SLC39A10: variants seen among roughly 807,000 people sequenced by gnomAD.
SLC39A10 encodes the protein solute carrier family 39 member 10.
In SLC39A10, 13 loss-of-function variants were observed where a neutral mutation model predicts 65.1. The observed-to-expected ratio is 0.20, with a 90% CI of 0.13 to 0.32. The LOEUF (loss-of-function observed/expected upper bound fraction) is 0.32. SLC39A10 is among the 10% of genes least tolerant of loss of function. The probability of loss-of-function intolerance (pLI) is 1.00; values close to 1 mark genes in which losing one functional copy is unlikely to be tolerated. For missense variants in SLC39A10, 831 were observed against 1,018.4 expected, an observed-to-expected ratio of 0.82 and a Z score of 2.50; for synonymous variants, 321 against 342.2, an observed-to-expected ratio of 0.94 and a Z score of 0.68.
chr2:195,727,643 G>A (rs1444897046), intron 8 of SLC39A10, among the ~76,000 whole-genome samples: 1 of 152,110 alleles, frequency 6.6e-6, no homozygotes, highest in Non-Finnish European at 1.5e-5. Context: ...CGAGCAGGGA[G>A]GTCTTGATTG....
intron 3 of SLC39A10, among the ~76,000 whole-genome samples, chr2:195,703,715 A>C (rs914984641): frequency 6.6e-6 from 1 of 152,144 alleles, no homozygotes; most frequent in African/African-American, 2.4e-5. Context: ...GTGCAGTGGC[A>C]TGATCTTGGC....
intron 2 of SLC39A10, among the ~76,000 whole-genome samples, chr2:195,682,938 A>G (rs1465409920): frequency 4.0e-5 from 6 of 151,876 alleles, no homozygotes; most frequent in Non-Finnish European, 8.8e-5. Context: ...TTTTGGTGCC[A>G]TAGATAAAGC....
At chr2:195,615,577 T>C (rs1688188668) in intron 2 of SLC39A10, among the ~76,000 whole-genome samples, 1 of 152,220 alleles carries the variant, frequency 6.6e-6, no homozygotes, top group South Asian at 2.1e-4. Context: ...GGGGACTTTT[T>C]AAATTTCGCA....
intron 2 of SLC39A10, among the ~76,000 whole-genome samples, chr2:195,640,476 A>C (rs987111476): frequency 1.3e-5 from 2 of 152,072 alleles, no homozygotes; most frequent in Non-Finnish European, 2.9e-5. Flanking sequence ...TTATGGCTTT[A>C]ATATTTGGCA....
At position 195,718,302 on chromosome 2, in the gene SLC39A10, G is replaced by A. The variant is rs1691895037; in HGVS notation, c.2116G>A (p.Val706Ile). Residue 706 changes from valine (V) to isoleucine (I), a missense_variant, in exon 8 of 10, where the codon GTC becomes ATC. Val to Ile is a conservative substitution (Grantham distance 29, BLOSUM62 3). This residue lies in a region of SLC39A10 where 120 missense variants were observed against 203.9 expected (regional missense o/e 0.59). Transcript: ENST00000359634. ...LTGGISTSIA[V>I]FCHELPHELG... ...AGGAGGAATCAGTACTTCTATAGCC[G>A]TCTTCTGTCATGAACTGCCACATGA... 6.2e-7 allele frequency: 1 copy of A among 1,607,144 alleles called. No homozygotes were observed. Among genetic ancestry groups the A allele is most frequent in the Non-Finnish European group, 8.5e-7 (1 of 1,175,148 alleles).
intron 8 of SLC39A10, among the ~76,000 whole-genome samples, chr2:195,727,414 T>A (rs1692281919): frequency 6.6e-6 from 1 of 152,164 alleles, no homozygotes; most frequent in Non-Finnish European, 1.5e-5. Flanking sequence ...GTCGATGCTC[T>A]TCGGAGCCTC....
intron 6 of SLC39A10, among the ~76,000 whole-genome samples, chr2:195,714,365 A>C (rs1342700858): frequency 6.6e-6 from 1 of 152,220 alleles, no homozygotes; most frequent in African/African-American, 2.4e-5. Context: ...AGCATTTCTC[A>C]TGGGAATAAT....
intron 8 of SLC39A10, among the ~76,000 whole-genome samples, chr2:195,721,013 C>G (rs1018920488): frequency 6.6e-6 from 1 of 152,186 alleles, no homozygotes; most frequent in East Asian, 1.9e-4. Context: ...TTGATCACGG[C>G]TTAGTGCAGC....
At chr2:195,622,490 C>T (rs1688369990) in intron 2 of SLC39A10, among the ~76,000 whole-genome samples, 1 of 152,200 alleles carries the variant, frequency 6.6e-6, no homozygotes. Context: ...AGTAGGCCTT[C>T]TGAAGTGAAT....
intron 2 of SLC39A10, among the ~76,000 whole-genome samples, chr2:195,618,309 C>T (rs1303214237): frequency 1.3e-5 from 2 of 148,500 alleles, no homozygotes; most frequent in Non-Finnish European, 2.9e-5. Context: ...TGAGATCGTG[C>T]CATTGCACTT....
At chr2:195,643,723 C>T (rs539128701) in intron 2 of SLC39A10, among the ~76,000 whole-genome samples, 1 of 152,342 alleles carries the variant, frequency 6.6e-6, no homozygotes, top group East Asian at 1.9e-4. Flanking sequence ...CTGTCCTCTA[C>T]TGCCCAATAA....
At chr2:195,681,500 G>C (rs1690321932) in intron 2 of SLC39A10, among the ~76,000 whole-genome samples, 1 of 152,068 alleles carries the variant, frequency 6.6e-6, no homozygotes, top group Non-Finnish European at 1.5e-5. Flanking sequence ...ACTCCAGCCT[G>C]GGCGACAAAG....
chr2:195,665,987 A>G (rs1206904307), intron 1 of SLC39A10, among the ~76,000 whole-genome samples: 1 of 152,200 alleles, frequency 6.6e-6, no homozygotes, highest in Admixed American at 6.5e-5. Context: ...TGCCATTGTA[A>G]TAAATGACTA....
upstream of SLC39A10, among the ~76,000 whole-genome samples, chr2:195,654,703 TTTATGA>T: frequency 6.6e-6 from 1 of 152,310 alleles, no homozygotes; most frequent in Middle Eastern, 3.4e-3. Context: ...TTCAGAAAGT[TTTATGA>T]TTATAACATA....
intron 3 of SLC39A10, among the ~76,000 whole-genome samples, chr2:195,684,377 A>T (rs1279987173): frequency 6.6e-6 from 1 of 152,122 alleles, no homozygotes; most frequent in Non-Finnish European, 1.5e-5. Flanking sequence ...TGACATGTGA[A>T]CTTTATTATG....
Position 195,681,067 on chromosome 2 carries a change from G to A in SLC39A10, c.1008+17G>A, listed in dbSNP as rs759166825. 1 of 1,582,130 alleles carries A rather than the reference G, an allele frequency of 6.3e-7. No individual in the cohort carries two copies. Among genetic ancestry groups the A allele is most frequent in the Non-Finnish European group, 8.6e-7 (1 of 1,163,258 alleles). ...CATCATGAAGTAAGTATAAAAAGAT[G>A]TCCGATAGCTGCTTCGTAATTCTCA... is the stretch of plus-strand genomic sequence containing the variant. On this transcript the variant is annotated intron_variant, in intron 2 of 9. Transcript: ENST00000359634.
chr2:195,684,212 GGGACCCCCTAAATA>G (rs1264326895), intron 3 of SLC39A10, among the ~76,000 whole-genome samples: 1 of 151,926 alleles, frequency 6.6e-6, no homozygotes, highest in Admixed American at 6.6e-5. Context: ...TATAAATAAT[GGGACCCCCTAAATA>G]AAGTTATTTG....
chr2:195,709,193 T>TTGTA (rs59346406), intron 5 of SLC39A10, among the ~76,000 whole-genome samples: 5,531 of 144,996 alleles, frequency 0.038, 129 homozygotes, highest in African/African-American at 0.053. Flanking sequence ...CCCAGCTAAC[T>TTGTA]TGTATGTATG....
chr2:195,710,272 C>T (rs1574299135), intron 5 of SLC39A10, among the ~76,000 whole-genome samples: 1 of 152,162 alleles, frequency 6.6e-6, no homozygotes, highest in African/African-American at 2.4e-5. Context: ...CTGAATACAT[C>T]TCACTAACAT....
Sources: allele counts gnomAD v4.1 joint callset (sites outside exome capture counted in the v4.1 genomes callset), GRCh38; gene constraint gnomAD v4.1.1; regional missense constraint gnomAD v4.1.1; transcripts MANE v1.5; gene names NCBI Gene and HGNC (gene_info 2026-07-23, HGNC 2026-07-21).